PDE7A: variants seen among roughly 807,000 people sequenced by gnomAD.
PDE7A encodes the protein high affinity 3',5'-cyclic-AMP phosphodiesterase 7A.
Under a neutral mutation model 64.3 loss-of-function variants are expected in PDE7A, and 39 were observed. The observed-to-expected ratio is 0.61, with a 90% CI of 0.47 to 0.79. The LOEUF (loss-of-function observed/expected upper bound fraction) is 0.79, where lower values mean the gene tolerates loss of function less well. PDE7A is among the 30% of genes least tolerant of loss of function. PDE7A has a pLI of 0.00. For missense variants in PDE7A, 470 were observed against 582.8 expected (o/e 0.81, Z 1.99); for synonymous variants, 203 against 206.8 (o/e 0.98, Z 0.16).
intron 6 of PDE7A, among the ~76,000 whole-genome samples, chr8:65,736,442 T>A (rs188135204): frequency 2.8e-4 from 42 of 152,286 alleles, no homozygotes; most frequent in African/African-American, 1.0e-3. Flanking sequence ...ATACTACTTA[T>A]AATTAATACA....
intron 3 of PDE7A, among the ~76,000 whole-genome samples, chr8:65,775,923 C>T (rs188152264): frequency 1.8e-4 from 28 of 152,236 alleles, no homozygotes; most frequent in Admixed American, 5.9e-4. Context: ...CCACCATGCC[C>T]GGCCTCTTCC....
intron 1 of PDE7A, 140 bp from the exon 2 acceptor site, chr8:65,782,983 G>A: frequency 1.7e-6 from 1 of 598,798 alleles, no homozygotes; most frequent in African/African-American, 1.9e-5. Flanking sequence ...ATTAGCTATG[G>A]TACCTGTTCT....
At chr8:65,740,450 G>C in intron 5 of PDE7A, among the ~76,000 whole-genome samples, 1 of 151,980 alleles carries the variant, frequency 6.6e-6, no homozygotes. Context: ...ACCTGGGCTG[G>C]AGTACAATGG....
intron 1 of PDE7A, among the ~76,000 whole-genome samples, chr8:65,810,963 G>GA (rs968148589): frequency 2.6e-5 from 4 of 151,974 alleles, no homozygotes; most frequent in African/African-American, 9.7e-5. Context: ...CAATTAGGTA[G>GA]AAAACATAAT....
chr8:65,840,703 G>T (rs1038382455), intron 1 of PDE7A, among the ~76,000 whole-genome samples: 1 of 151,328 alleles, frequency 6.6e-6, no homozygotes, highest in East Asian at 1.9e-4. Context: ...ACTGGTATTG[G>T]ACCACTCAAA....
chr8:65,733,898 G>T (rs1221313887), intron 7 of PDE7A, among the ~76,000 whole-genome samples: 1 of 152,146 alleles, frequency 6.6e-6, no homozygotes, highest in Non-Finnish European at 1.5e-5. Context: ...AAGATCTAGG[G>T]AGAGAGCAGT....
chr8:65,820,074 T>G lies in PDE7A; in HGVS notation c.138+21297A>C, dbSNP rs190645861. ...TAAAATGTTATCTTATTATGAAGACTAAGTAACTGTAAAAATCCACATTTT... is the reference window on the plus strand; with the variant it reads ...TAAAATGTTATCTTATTATGAAGACGAAGTAACTGTAAAAATCCACATTTT... On this transcript the variant is annotated intron_variant, in intron 1 of 12. Transcript: ENST00000401827. Among the ~76,000 whole-genome samples, 8 of 152,338 alleles carry G rather than the reference T, an allele frequency of 5.3e-5. No individual in the cohort carries two copies. The East Asian group carries it at 1.5e-3, about 29-fold the overall frequency.
chr8:65,832,213 A>G (rs1272037061), intron 1 of PDE7A, among the ~76,000 whole-genome samples: 2 of 152,180 alleles, frequency 1.3e-5, no homozygotes, highest in Admixed American at 6.6e-5. Context: ...CCATTGAGCC[A>G]TTTGTAAACT....
intron 3 of PDE7A, among the ~76,000 whole-genome samples, chr8:65,779,128 A>AT (rs1252395227): frequency 6.6e-6 from 1 of 152,190 alleles, no homozygotes; most frequent in African/African-American, 2.4e-5. Context: ...TAGTTTTCTC[A>AT]TTTTTTAGAG....
intron 3 of PDE7A, among the ~76,000 whole-genome samples, chr8:65,754,723 T>C (rs920264893): frequency 1.3e-5 from 2 of 150,366 alleles, no homozygotes; most frequent in African/African-American, 2.4e-5. Flanking sequence ...TCCCAGCACT[T>C]TGGGAGGCTG....
chr8:65,803,958 A>G (rs922840190), intron 1 of PDE7A, among the ~76,000 whole-genome samples: 1 of 152,158 alleles, frequency 6.6e-6, no homozygotes, highest in African/African-American at 2.4e-5. Context: ...ACACACAGAC[A>G]CACATACACA....
At position 65,719,187 on chromosome 8, in the gene PDE7A, C is replaced by T. The variant is rs550311076; in HGVS notation, c.*103G>A. 1.3e-6 allele frequency: 1 copy of T among 753,868 alleles called. No individual in the cohort carries two copies. Among genetic ancestry groups the T allele is most frequent in the Non-Finnish European group, 2.3e-6 (1 of 428,252 alleles). The allele number at this position is 753,868 out of a possible 1,614,324, so 46.7% of individuals were successfully genotyped here. On this transcript the variant is annotated 3_prime_UTR_variant, in exon 13 of 13. Coordinates refer to ENST00000401827, the MANE Select transcript of PDE7A (RefSeq NM_001242318.3). ...AAATAATGCTGGCTGGCATCACTCACTTGGAAACCTTGGCAGTCAAGAGTT... is the reference window on the plus strand; with the variant it reads ...AAATAATGCTGGCTGGCATCACTCATTTGGAAACCTTGGCAGTCAAGAGTT...
chr8:65,766,796 G>A (rs1808808478), intron 3 of PDE7A, among the ~76,000 whole-genome samples: 1 of 152,154 alleles, frequency 6.6e-6, no homozygotes. Flanking sequence ...GAATGAAAGG[G>A]CATCAAGAAT....
At chr8:65,836,271 T>C (rs921958592) in intron 1 of PDE7A, among the ~76,000 whole-genome samples, 3 of 152,156 alleles carry the variant, frequency 2.0e-5, no homozygotes, top group African/African-American at 7.2e-5. Flanking sequence ...AGAGCCCTTA[T>C]AAACAAGCAC....
intron 1 of PDE7A, among the ~76,000 whole-genome samples, chr8:65,807,160 T>C (rs1810132271): frequency 6.6e-6 from 1 of 152,256 alleles, no homozygotes; most frequent in Admixed American, 6.5e-5. Flanking sequence ...AGTTTTCCAA[T>C]CCATGAACAT....
At chr8:65,790,165 G>C (rs1178164663) in intron 1 of PDE7A, among the ~76,000 whole-genome samples, 1 of 152,246 alleles carries the variant, frequency 6.6e-6, no homozygotes, top group Non-Finnish European at 1.5e-5. Flanking sequence ...AAGTCTGAGA[G>C]ACAGAAAGAC....
At chr8:65,747,174 TGAAAAGATGTTATTAATACACACA>T (rs1300039517) in intron 4 of PDE7A, among the ~76,000 whole-genome samples, 1 of 152,138 alleles carries the variant, frequency 6.6e-6, no homozygotes, top group Admixed American at 6.6e-5. Context: ...GAGACCTTTG[TGAAAAGATGTTATTAATACACACA>T]CACACACAAA....
intron 3 of PDE7A, among the ~76,000 whole-genome samples, chr8:65,749,515 A>G (rs975205853): frequency 5.3e-5 from 8 of 152,236 alleles, no homozygotes; most frequent in Admixed American, 1.3e-4. Flanking sequence ...TAGAACCAAA[A>G]TAGTAAAAAC....
At chr8:65,762,089 C>A (rs1343010008) in intron 3 of PDE7A, among the ~76,000 whole-genome samples, 1 of 152,176 alleles carries the variant, frequency 6.6e-6, no homozygotes, top group Admixed American at 6.5e-5. Flanking sequence ...TCATGAATTA[C>A]CCTTGGAGAT....
Sources: allele counts gnomAD v4.1 joint callset (sites outside exome capture counted in the v4.1 genomes callset), GRCh38; gene constraint gnomAD v4.1.1; transcripts MANE v1.5; gene names NCBI Gene and HGNC (gene_info 2026-07-23, HGNC 2026-07-21).